The following GPC5 variants were observed in gnomAD, a reference collection of about 807,000 sequenced individuals.
The protein encoded by GPC5 is glypican 5.
GPC5 carries 47 observed loss-of-function variants against 53.9 expected under a neutral mutation model. That is an observed-to-expected ratio of 0.87 (90% confidence interval 0.69 to 1.11). The LOEUF is 1.11. Among genes scored for constraint, GPC5 ranks in the 50% most tolerant of loss-of-function variants. The pLI, the probability that GPC5 is intolerant of heterozygous loss-of-function variation, is 0.00. For synonymous variants in GPC5, 286 were observed against 263.3 expected (o/e 1.09, Z -0.84); for missense variants, 748 against 713.1 (o/e 1.05, Z -0.56).
At chr13:91,988,367 GATCCCTGC>G (rs1394009794) in intron 6 of GPC5, among the ~76,000 whole-genome samples, 1 of 152,120 alleles carries the variant, frequency 6.6e-6, no homozygotes, top group Non-Finnish European at 1.5e-5. Flanking sequence ...TTTCTCTAAA[GATCCCTGC>G]ATATGGAAGT....
chr13:92,726,576 G>A (rs1391800993), intron 7 of GPC5, among the ~76,000 whole-genome samples: 6 of 151,358 alleles, frequency 4.0e-5, no homozygotes, highest in African/African-American at 1.5e-4. Flanking sequence ...TCTTAATAAA[G>A]GAATAAAACT....
At chr13:91,670,367 AG>A (rs558875177) in intron 2 of GPC5, among the ~76,000 whole-genome samples, 149 of 152,292 alleles carry the variant, frequency 9.8e-4, no homozygotes, top group African/African-American at 2.8e-3. Flanking sequence ...TGTATAGACC[AG>A]GGTAGTGGCT....
intron 2 of GPC5, among the ~76,000 whole-genome samples, chr13:91,503,579 T>C (rs1884764150): frequency 6.6e-6 from 1 of 151,352 alleles, no homozygotes; most frequent in Non-Finnish European, 1.5e-5. Flanking sequence ...CAGGAGATGG[T>C]GACCCTCCTG....
chr13:91,689,042 C>T (rs2035683845), intron 2 of GPC5, among the ~76,000 whole-genome samples: 1 of 150,776 alleles, frequency 6.6e-6, no homozygotes, highest in African/African-American at 2.4e-5. Context: ...GTGGTCCACA[C>T]CTGTAGTCCC....
chr13:92,743,492 C>T (rs897562898), intron 7 of GPC5, among the ~76,000 whole-genome samples: 6 of 152,062 alleles, frequency 3.9e-5, no homozygotes, highest in Admixed American at 1.3e-4. Context: ...TGGGCTGAGA[C>T]GATGGGGTTT....
At chr13:92,466,169 C>T (rs372567993) in intron 7 of GPC5, among the ~76,000 whole-genome samples, 6 of 127,290 alleles carry the variant, frequency 4.7e-5, no homozygotes, top group East Asian at 2.6e-4. Context: ...CCCATAAATA[C>T]GTATTATTTG....
At chr13:92,706,838 C>T (rs941350452) in intron 7 of GPC5, among the ~76,000 whole-genome samples, 41 of 152,088 alleles carry the variant, frequency 2.7e-4, no homozygotes, top group Non-Finnish European at 4.6e-4. Flanking sequence ...CTGCAAAATT[C>T]GTATGTTGAA....
At chr13:92,007,350 C>A (rs1245739435) in intron 6 of GPC5, among the ~76,000 whole-genome samples, 2 of 152,162 alleles carry the variant, frequency 1.3e-5, no homozygotes, top group South Asian at 4.1e-4. Flanking sequence ...GTAGTTTAGT[C>A]TACCACATTT....
chr13:92,435,671 C>T (rs1409305290), intron 7 of GPC5, among the ~76,000 whole-genome samples: 1 of 152,122 alleles, frequency 6.6e-6, no homozygotes, highest in Non-Finnish European at 1.5e-5. Flanking sequence ...TAACACTGGG[C>T]ATTGATTACA....
chr13:91,765,861 G>A (rs1180393704), intron 5 of GPC5, among the ~76,000 whole-genome samples: 2 of 152,178 alleles, frequency 1.3e-5, no homozygotes, highest in Admixed American at 6.5e-5. Flanking sequence ...AATTCAGTGA[G>A]TGGGAGAAAG....
chr13:91,547,073 T>G (rs1474119498), intron 2 of GPC5, among the ~76,000 whole-genome samples: 1 of 152,068 alleles, frequency 6.6e-6, no homozygotes, highest in South Asian at 2.1e-4. Context: ...AGCAACTGGG[T>G]GAACACTGGT....
At chr13:92,809,727 C>T (rs1156247726) in intron 7 of GPC5, among the ~76,000 whole-genome samples, 1 of 152,088 alleles carries the variant, frequency 6.6e-6, no homozygotes, top group Non-Finnish European at 1.5e-5. Context: ...ATCACCATAA[C>T]AGGTGTCATA....
At chr13:91,503,241 G>C (rs79568161) in intron 2 of GPC5, among the ~76,000 whole-genome samples, 3 of 152,116 alleles carry the variant, frequency 2.0e-5, no homozygotes, top group African/African-American at 7.2e-5. Flanking sequence ...AGAATGATGA[G>C]AGATTATGTC....
chr13:91,433,615 G>C (rs968894959), intron 1 of GPC5, among the ~76,000 whole-genome samples: 1 of 152,112 alleles, frequency 6.6e-6, no homozygotes, highest in African/African-American at 2.4e-5. Flanking sequence ...GGACATTTGG[G>C]TTGGTTCCAA....
chr13:91,717,384 A>T (rs1240748354), intron 3 of GPC5, among the ~76,000 whole-genome samples: 1 of 152,080 alleles, frequency 6.6e-6, no homozygotes, highest in Non-Finnish European at 1.5e-5. Context: ...TAATTGGGGG[A>T]CCTGGAGGGA....
At chr13:91,515,779 TTTTA>T (rs1885465185) in intron 2 of GPC5, among the ~76,000 whole-genome samples, 2 of 30,230 alleles carry the variant, frequency 6.6e-5, no homozygotes, top group Admixed American at 1.1e-3. Context: ...TGACCATCTG[TTTTA>T]GTCTGTTTTC....
At chr13:91,615,626 T>C (rs973237528) in intron 2 of GPC5, among the ~76,000 whole-genome samples, 5 of 152,110 alleles carry the variant, frequency 3.3e-5, no homozygotes, top group South Asian at 4.1e-4. Context: ...GTCACAGTGG[T>C]AATATGTGAT....
chr13:92,591,928 C>A (rs1434226019), intron 7 of GPC5, among the ~76,000 whole-genome samples: 2 of 152,156 alleles, frequency 1.3e-5, no homozygotes, highest in Non-Finnish European at 2.9e-5. Context: ...AAGCCCTTCA[C>A]CCAAGCCATT....
intron 7 of GPC5, among the ~76,000 whole-genome samples, chr13:92,624,225 A>T (rs1884976085): frequency 6.6e-6 from 1 of 151,744 alleles, no homozygotes; most frequent in Non-Finnish European, 1.5e-5. Context: ...ACGTGCCACC[A>T]TGCCCTGCTA....
Sources: allele counts gnomAD v4.1 joint callset (sites outside exome capture counted in the v4.1 genomes callset), GRCh38; gene constraint gnomAD v4.1.1; transcripts MANE v1.5; gene names NCBI Gene and HGNC (gene_info 2026-07-23, HGNC 2026-07-21).